The following SYCE1 variants were observed in gnomAD, a reference collection of about 807,000 sequenced individuals.
SYCE1 encodes the protein synaptonemal complex central element protein 1.
Under a neutral mutation model 55.1 loss-of-function variants are expected in SYCE1, and 37 were observed. That is an observed-to-expected ratio of 0.67 (90% confidence interval 0.52 to 0.88). SYCE1 has a LOEUF of 0.88. Among genes scored for constraint, SYCE1 ranks in the 40% least tolerant of loss-of-function variants. SYCE1 has a pLI of 0.00. For synonymous variants in SYCE1, 163 were observed against 159.4 expected, an observed-to-expected ratio of 1.02 and a Z score of -0.17; for missense variants, 399 against 416.4, an observed-to-expected ratio of 0.96 and a Z score of 0.36.
chr10:133,560,136 G>T lies in SYCE1; in HGVS notation c.91C>A (p.Gln31Lys). 1 of 1,614,002 alleles carries T rather than the reference G, an allele frequency of 6.2e-7. No homozygotes were observed. Among genetic ancestry groups the T allele is most frequent in the South Asian group, 1.1e-5 (1 of 91,068 alleles). ...EKAGGQDTSS[Q>K]KIEDLMEMVQ... is the part of the protein sequence containing the mutation. ...ATTTCCATCAAGTCTTCAATTTTCTGTGAGGACGTGTCCTGCCCTGTGGAG... is the reference window on the plus strand; with the variant it reads ...ATTTCCATCAAGTCTTCAATTTTCTTTGAGGACGTGTCCTGCCCTGTGGAG... Residue 31 changes from glutamine (Q) to lysine (K), a missense_variant, in exon 2 of 13, where the codon CAG becomes AAG. Coordinates refer to ENST00000343131, the MANE Select transcript of SYCE1 (RefSeq NM_001143764.3).
chr10:133,559,300 C>T lies in SYCE1; in HGVS notation c.196+1G>A. On this transcript the variant is annotated splice_donor_variant, in intron 3 of 12. Coordinates refer to ENST00000343131, the MANE Select transcript of SYCE1 (RefSeq NM_001143764.3). LOFTEE classifies it high-confidence loss of function. ...CTGGCAGCCAAGGCCCCTGAACTCACCTTGCTGGACCTCATTAATCCGGTT... is the reference window on the plus strand; with the variant it reads ...CTGGCAGCCAAGGCCCCTGAACTCATCTTGCTGGACCTCATTAATCCGGTT... 1.2e-6 allele frequency: 2 copies of T among 1,614,158 alleles called. No individual in the cohort carries two copies. Among genetic ancestry groups the T allele is most frequent in the African/African-American group, 2.7e-5 (2 of 75,032 alleles).
At chr10:133,554,532 T>G, downstream of SYCE1, 1 of 652,624 alleles carries the variant, frequency 1.5e-6, no homozygotes, top group South Asian at 1.8e-5. Flanking sequence ...CAAAAGTGCC[T>G]GAGTTATACA....
At chr10:133,562,499 T>G (rs1361811112) in intron 1 of SYCE1, among the ~76,000 whole-genome samples, 1 of 152,072 alleles carries the variant, frequency 6.6e-6, no homozygotes, top group African/African-American at 2.4e-5. Context: ...TAGCCTGAGG[T>G]TCCTTAAAGA....
chr10:133,555,183 T>C, intron 12 of SYCE1, 54 bp from the exon 13 acceptor site: 1 of 1,531,750 alleles, frequency 6.5e-7, no homozygotes, highest in Admixed American at 2.0e-5. Flanking sequence ...CATGGCCACA[T>C]GGTCCCCTCC....
In SYCE1 at chr10:133,556,067, C is replaced by T; in HGVS notation, c.529-20G>A. The T allele has an allele frequency of 1.9e-6, 3 of 1,611,432 alleles. No individual in the cohort carries two copies. Among genetic ancestry groups the T allele is most frequent in the Non-Finnish European group, 2.5e-6 (3 of 1,179,858 alleles). On this transcript the variant is annotated intron_variant, in intron 8 of 12. Coordinates refer to ENST00000343131, the MANE Select transcript of SYCE1 (RefSeq NM_001143764.3). ...TGGCATCTGAGGGGCAGAAAAGAGG[C>T]CTGTCCACTCCTCTTGGCTTTCCCC...
chr10:133,554,624 C>T, downstream of SYCE1: 1 of 715,978 alleles, frequency 1.4e-6, no homozygotes, highest in Non-Finnish European at 2.5e-6. Flanking sequence ...AACCCCAGCT[C>T]ACTGATCCTC....
chr10:133,563,298 C>G (rs11101836), intron 1 of SYCE1, among the ~76,000 whole-genome samples: 20,366 of 151,922 alleles, frequency 0.13, 1,341 homozygotes, highest in East Asian at 0.25. Context: ...GTGAAAAACT[C>G]GAAGAAGCCT....
chr10:133,558,600 A>G lies in SYCE1; in HGVS notation c.271+277T>C, dbSNP rs12259747. 2,712 of 536,410 alleles carry G rather than the reference A, an allele frequency of 5.1e-3. 54 individuals are homozygous for G. The highest frequency in any genetic ancestry group is 0.047 in the African/African-American group (2,488 of 52,846). The allele number at this position is 536,410 out of a possible 1,614,324, so 33.2% of individuals were successfully genotyped here. ...AATGCCAGTCATCCTGTCTGGGGAC[A>G]TTCTAACTTAGAGCTGATGATGTGA... On this transcript the variant is annotated intron_variant, in intron 4 of 12. Transcript: ENST00000343131.
intron 1 of SYCE1, among the ~76,000 whole-genome samples, chr10:133,563,104 T>A (rs972446332): frequency 3.3e-5 from 5 of 152,170 alleles, no homozygotes; most frequent in African/African-American, 1.2e-4. Context: ...TTTTTACCAA[T>A]CACCTATGTT....
downstream of SYCE1, chr10:133,554,281 CCT>C (rs1165985509): frequency 3.1e-6 from 5 of 1,613,670 alleles, no homozygotes; most frequent in South Asian, 3.3e-5. Context: ...CTGCAGTGAG[CCT>C]CTCTCTTCAA....
At chr10:133,559,155 A>G (rs10857750) in intron 3 of SYCE1, 146 bp downstream of exon 3, 105,499 of 970,882 alleles carry the variant, frequency 0.11, 6,845 homozygotes, top group East Asian at 0.27. Flanking sequence ...GCATGCTGAA[A>G]TGCCCTGTAC....
chr10:133,559,382 G>A, intron 2 of SYCE1, 22 bp from the exon 3 acceptor site: 1 of 1,613,420 alleles, frequency 6.2e-7, no homozygotes, highest in Non-Finnish European at 8.5e-7. Context: ...AAAGGAGGTT[G>A]AGTTGACAGG....
At chr10:133,558,804 A>G in intron 4 of SYCE1, 73 bp downstream of exon 4, 1 of 1,485,266 alleles carries the variant, frequency 6.7e-7, no homozygotes, top group Admixed American at 1.8e-5. Context: ...AAGGATGCTG[A>G]TTATCTGGAA....
At chr10:133,557,990 G>C (rs1564856549) in intron 5 of SYCE1, 72 bp from the exon 6 acceptor site, 4 of 1,574,004 alleles carry the variant, frequency 2.5e-6, no homozygotes, top group East Asian at 4.5e-5. Flanking sequence ...AACACAGCCA[G>C]ATCATGTCAG....
intron 1 of SYCE1, among the ~76,000 whole-genome samples, chr10:133,561,519 T>C (rs542571325): frequency 6.6e-5 from 10 of 152,324 alleles, no homozygotes; most frequent in African/African-American, 2.2e-4. Flanking sequence ...TGAAAGTTCC[T>C]TTCTGGAGTT....
rs1209440835 is a variant in SYCE1 at position 133,558,165 on chromosome 10, A to C, written c.319+2T>G. On this transcript the variant is annotated splice_donor_variant, in intron 5 of 12. Transcript: ENST00000343131. LOFTEE classifies it high-confidence loss of function. Reference sequence around the variant, plus strand: ...GCCTGGAGACAGGGGAGCGGCAAATACCTTGTTTTTTGCTCAAGATCTCCT... The same window carrying C: ...GCCTGGAGACAGGGGAGCGGCAAATCCCTTGTTTTTTGCTCAAGATCTCCT... 1.9e-6 allele frequency: 3 copies of C among 1,614,040 alleles called. No homozygotes were observed. The highest frequency in any genetic ancestry group is 2.5e-6 in the Non-Finnish European group (3 of 1,180,030).
chr10:133,557,413 G>A, intron 6 of SYCE1: 1 of 527,452 alleles, frequency 1.9e-6, no homozygotes, highest in South Asian at 2.5e-5. Flanking sequence ...TTCCCAAAGA[G>A]CTGAAATCTC....
intron 4 of SYCE1, 80 bp from the exon 5 acceptor site, chr10:133,558,294 G>T (rs1378068071): frequency 2.6e-5 from 40 of 1,522,054 alleles, no homozygotes; most frequent in Non-Finnish European, 3.6e-5. Flanking sequence ...GGTCACATGG[G>T]AAGCTGGGCA....
chr10:133,565,180 TA>T (rs758019174), intron 1 of SYCE1, among the ~76,000 whole-genome samples: 1 of 152,170 alleles, frequency 6.6e-6, no homozygotes, highest in Non-Finnish European at 1.5e-5. Flanking sequence ...GGTGTGTATG[TA>T]AAGTCTGTGG....
Sources: allele counts gnomAD v4.1 joint callset (sites outside exome capture counted in the v4.1 genomes callset), GRCh38; gene constraint gnomAD v4.1.1; transcripts MANE v1.5; gene names NCBI Gene and HGNC (gene_info 2026-07-23, HGNC 2026-07-21).